SYTL2: variants seen among roughly 807,000 people sequenced by gnomAD.
The protein encoded by SYTL2 is synaptotagmin-like protein 2.
A neutral mutation model predicts 198.7 loss-of-function variants in SYTL2; 165 were observed. The ratio of observed to expected loss-of-function variants is 0.83; its 90% CI spans 0.73 to 0.94. The LOEUF (loss-of-function observed/expected upper bound fraction) is 0.94. SYTL2 is among the 40% of genes least tolerant of loss of function. The pLI is 0.00. For missense variants in SYTL2, 2,835 were observed against 2,582.8 expected (o/e 1.10, Z -2.12); for synonymous variants, 966 against 917.7 (o/e 1.05, Z -0.95).
At chr11:85,723,191 GC>G (rs2088610225) in intron 8 of SYTL2, among the ~76,000 whole-genome samples, 1 of 152,164 alleles carries the variant, frequency 6.6e-6, no homozygotes, top group Admixed American at 6.5e-5. Flanking sequence ...ACATTTTACA[GC>G]CTGGCCGCCA....
At position 85,695,317 on chromosome 11, in the gene SYTL2, C is replaced by A; in HGVS notation, c.6598G>T (p.Asp2200Tyr). The change falls in exon 20 of 20, where the codon GAC becomes TAC. Residue 2200 changes from aspartate (D) to tyrosine (Y), a missense_variant. Physicochemically the swap from Asp to Tyr is radical, Grantham distance 160 (BLOSUM62 -3). Transcript: ENST00000359152. ...GTGKSYGTEV[D>Y]WMDSTSEEVA... ...TCCTCTGAAGTAGAGTCCATCCAGTCCACTTCAGTCCCATAACTTTTACCT... is the reference window on the plus strand; with the variant it reads ...TCCTCTGAAGTAGAGTCCATCCAGTACACTTCAGTCCCATAACTTTTACCT... The A allele has an allele frequency of 1.3e-6, 2 of 1,577,276 alleles. No homozygotes were observed. The highest frequency in any genetic ancestry group is 1.7e-6 in the Non-Finnish European group (2 of 1,161,194).
chr11:85,747,240 A>T (rs1019802680), intron 3 of SYTL2, among the ~76,000 whole-genome samples: 2 of 151,914 alleles, frequency 1.3e-5, no homozygotes, highest in Admixed American at 1.3e-4. Context: ...AGATTGCTTG[A>T]GGCCAGTAGT....
rs138887381 is a variant in SYTL2 at position 85,724,772 on chromosome 11, A to G, written c.4586T>C (p.Ile1529Thr). 1.3e-4 allele frequency: 214 copies of G among 1,612,858 alleles called. No individual in the cohort carries two copies. In the African/African-American group the frequency reaches 2.2e-3, roughly 17 times the overall value. The change falls in exon 8 of 20, where the codon ATA becomes ACA. Residue 1529 changes from isoleucine (I) to threonine (T), a missense_variant. By Grantham distance (89) the Ile-to-Thr change is moderately conservative. Coordinates refer to ENST00000359152, the MANE Select transcript of SYTL2 (RefSeq NM_206927.4). The part of the protein sequence containing the change: ...DTGNLSPSKL[I>T]GSTEEPRRAT... ...TCGCCTGGGCTCCTCTGTACTACCT[A>G]TTAACTTTGATGGAGAAAGATTCCC...
At chr11:85,708,694 T>C (rs931853693) in intron 14 of SYTL2, among the ~76,000 whole-genome samples, 1 of 152,130 alleles carries the variant, frequency 6.6e-6, no homozygotes, top group African/African-American at 2.4e-5. Context: ...AGGTCCTCAT[T>C]CCTCATTTTG....
chr11:85,706,819 G>T (rs539966508), intron 15 of SYTL2, among the ~76,000 whole-genome samples: 1 of 151,030 alleles, frequency 6.6e-6, no homozygotes. Flanking sequence ...TCAGCTGTGG[G>T]TTTTTTTTGT....
intron 1 of SYTL2, among the ~76,000 whole-genome samples, chr11:85,761,060 T>C (rs938874855): frequency 6.6e-6 from 1 of 152,200 alleles, no homozygotes; most frequent in African/African-American, 2.4e-5. Flanking sequence ...ATTGAGAGAC[T>C]GGCACTATTC....
chr11:85,730,384 G>C (rs2089676266), intron 7 of SYTL2, among the ~76,000 whole-genome samples: 1 of 152,138 alleles, frequency 6.6e-6, no homozygotes, highest in South Asian at 2.1e-4. Context: ...ACATCAAAAA[G>C]CTTATCGACT....
intron 17 of SYTL2, 55 bp from the exon 18 acceptor site, chr11:85,698,133 T>C: frequency 1.6e-6 from 2 of 1,213,710 alleles, no homozygotes; most frequent in Non-Finnish European, 2.4e-6. Flanking sequence ...TTGGCAATAC[T>C]GCGTCCAAAG....
At chr11:85,738,796 G>T (rs893697892) in intron 4 of SYTL2, among the ~76,000 whole-genome samples, 4 of 152,136 alleles carry the variant, frequency 2.6e-5, no homozygotes, top group Non-Finnish European at 5.9e-5. Flanking sequence ...GAAGACCTGA[G>T]CCAAGTGCTG....
the SYTL2 span, among the ~76,000 whole-genome samples, chr11:85,846,205 A>G: frequency 1.3e-5 from 2 of 152,160 alleles, 1 homozygote; most frequent in South Asian, 4.1e-4. Context: ...GACTTCTTAC[A>G]TGGCAGCTGG....
chr11:85,786,122 T>C (rs977484921), intron 1 of SYTL2, among the ~76,000 whole-genome samples: 6 of 152,148 alleles, frequency 3.9e-5, no homozygotes, highest in Middle Eastern at 3.2e-3. Context: ...CTCAAGGGAA[T>C]TGTGCTAAAT....
chr11:85,779,330 C>T (rs2092516803), intron 1 of SYTL2, among the ~76,000 whole-genome samples: 1 of 152,022 alleles, frequency 6.6e-6, no homozygotes, highest in South Asian at 2.1e-4. Flanking sequence ...GAAGTTATTG[C>T]TATTGCTATT....
At chr11:85,810,570 GCTCC>G (rs2093018962) in intron 1 of SYTL2, among the ~76,000 whole-genome samples, 1 of 152,058 alleles carries the variant, frequency 6.6e-6, no homozygotes, top group African/African-American at 2.4e-5. Context: ...AGGTGCTGAC[GCTCC>G]TACCTTTCTG....
intron 1 of SYTL2, among the ~76,000 whole-genome samples, chr11:85,784,786 T>C (rs539050610): frequency 6.6e-6 from 1 of 152,182 alleles, no homozygotes; most frequent in South Asian, 2.1e-4. Flanking sequence ...CAAAGAATTA[T>C]ACAAAAAATA....
chr11:85,707,478 G>C lies in SYTL2; in HGVS notation c.5969C>G (p.Thr1990Arg), dbSNP rs1278871904. The change falls in exon 15 of 20, where the codon ACA becomes AGA. Residue 1990 changes from threonine to arginine, a missense_variant. Transcript: ENST00000359152. ...PDKGKMGKKK[T>R]LVVKKTLNPV... ...ATTCAAGGTTTTCTTCACTACGAGT[G>C]TTTTCTTCTTGCCCATTTTGCCTTT... is the stretch of plus-strand genomic sequence containing the variant. 6.2e-7 allele frequency: 1 copy of C among 1,613,894 alleles called. No homozygotes were observed. Among genetic ancestry groups the C allele is most frequent in the African/African-American group, 1.3e-5 (1 of 74,920 alleles).
intron 13 of SYTL2, among the ~76,000 whole-genome samples, chr11:85,710,265 G>A (rs2086015263): frequency 6.6e-6 from 1 of 152,168 alleles, no homozygotes; most frequent in Admixed American, 6.5e-5. Context: ...AATGCTTACT[G>A]AGCCATGCGC....
At chr11:85,717,779 A>T in intron 10 of SYTL2, 1 of 533,340 alleles carries the variant, frequency 1.9e-6, no homozygotes, top group South Asian at 1.6e-5. Context: ...TCACTAGACC[A>T]CAGTATGGAA....
intron 1 of SYTL2, among the ~76,000 whole-genome samples, chr11:85,796,002 T>G (rs968305471): frequency 3.3e-5 from 5 of 152,240 alleles, no homozygotes; most frequent in African/African-American, 1.2e-4. Flanking sequence ...CTTAAACTTC[T>G]TCATAGAAGA....
intron 7 of SYTL2, 66 bp from the exon 8 acceptor site, chr11:85,728,033 A>G: frequency 7.3e-7 from 1 of 1,378,980 alleles, no homozygotes; most frequent in Non-Finnish European, 9.8e-7. Flanking sequence ...AATCATTCAC[A>G]TCATCATCTT....
Sources: allele counts gnomAD v4.1 joint callset (sites outside exome capture counted in the v4.1 genomes callset), GRCh38; gene constraint gnomAD v4.1.1; transcripts MANE v1.5; gene names NCBI Gene and HGNC (gene_info 2026-07-23, HGNC 2026-07-21).